Variants in SLC25A16 observed in about 807,000 individuals in gnomAD.
SLC25A16 encodes solute carrier family 25 member 16.
SLC25A16 carries 39 observed loss-of-function variants against 41.5 expected under a neutral mutation model. The observed-to-expected ratio is 0.94, with a 90% CI of 0.73 to 1.23. SLC25A16 has a LOEUF of 1.23. SLC25A16 is among the 50% of genes most tolerant of loss of function. The probability of loss-of-function intolerance (pLI) is 0.00; values close to 1 mark genes in which losing one functional copy is unlikely to be tolerated. For synonymous variants in SLC25A16, 146 were observed against 147.8 expected, an observed-to-expected ratio of 0.99 and a Z score of 0.09; for missense variants, 421 against 426.9, an observed-to-expected ratio of 0.99 and a Z score of 0.12.
chr10:68,498,034 T>G (rs117597063), intron 4 of SLC25A16, among the ~76,000 whole-genome samples: 3 of 152,134 alleles, frequency 2.0e-5, no homozygotes, highest in African/African-American at 4.8e-5. Flanking sequence ...GTATATGCCT[T>G]TTGTGCAGGA....
At chr10:68,486,452 G>A (rs2052565063) in intron 8 of SLC25A16, among the ~76,000 whole-genome samples, 1 of 151,206 alleles carries the variant, frequency 6.6e-6, no homozygotes, top group Non-Finnish European at 1.5e-5. Context: ...TATTGAGATG[G>A]AGTCTCACTC....
At chr10:68,496,752 T>C (rs2052755430) in intron 4 of SLC25A16, 3 of 855,382 alleles carry the variant, frequency 3.5e-6, no homozygotes, top group Non-Finnish European at 4.2e-6. Flanking sequence ...GAAATCATAT[T>C]TAGAAAGTAT....
At chr10:68,484,744 C>A (rs1445875688) in intron 8 of SLC25A16, among the ~76,000 whole-genome samples, 1 of 152,166 alleles carries the variant, frequency 6.6e-6, no homozygotes, top group Non-Finnish European at 1.5e-5. Flanking sequence ...GGGTAATGCT[C>A]CCAGCCCAAA....
chr10:68,492,142 A>C (rs746642450), intron 6 of SLC25A16, among the ~76,000 whole-genome samples: 4 of 152,138 alleles, frequency 2.6e-5, no homozygotes, highest in Non-Finnish European at 4.4e-5. Context: ...ATACTTACAC[A>C]AAAAAGGTAG....
chr10:68,506,627 G>A lies in SLC25A16; in HGVS notation c.315C>T (p.Pro105=), dbSNP rs2052959764. The A allele has an allele frequency of 1.9e-6, 3 of 1,605,296 alleles. No individual in the cohort carries two copies. The highest frequency in any genetic ancestry group is 2.6e-6 in the Non-Finnish European group (3 of 1,176,180). ...ATGCCATAAACTGGATTGCACCATA[G>A]GGAAAGATTCGAATCATCATTGCAC... ...GNGAMMIRIF[P]YGAIQFMAFE... is the part of the protein sequence containing the mutation. The change falls in exon 3 of 9, where the codon CCC becomes CCT. Residue 105 remains proline (P), a synonymous_variant. Transcript: ENST00000609923.
chr10:68,524,134 C>A (rs2053293726), intron 1 of SLC25A16, among the ~76,000 whole-genome samples: 2 of 151,686 alleles, frequency 1.3e-5, no homozygotes, highest in South Asian at 4.2e-4. Context: ...TATGGTGAAA[C>A]CCCGTCTCTA....
intron 1 of SLC25A16, among the ~76,000 whole-genome samples, chr10:68,525,643 G>T (rs1165968670): frequency 1.3e-5 from 2 of 152,048 alleles, no homozygotes; most frequent in Non-Finnish European, 2.9e-5. Flanking sequence ...TTAAATTTTT[G>T]AATCTTAAAT....
At chr10:68,484,131 G>A (rs1417007521) in intron 8 of SLC25A16, among the ~76,000 whole-genome samples, 4 of 152,114 alleles carry the variant, frequency 2.6e-5, no homozygotes, top group Non-Finnish European at 5.9e-5. Context: ...TATTTTGTTT[G>A]TACTATGTCT....
rs562597607 is a variant in SLC25A16 at position 68,487,200 on chromosome 10, A to G, written c.786T>C (p.Asp262=). 6.2e-7 allele frequency: 1 copy of G among 1,613,594 alleles called. No individual in the cohort carries two copies. The highest frequency in any genetic ancestry group is 1.3e-5 in the African/African-American group (1 of 75,036). The change falls in exon 8 of 9, where the codon GAT becomes GAC. Residue 262 remains aspartate (D), a synonymous_variant. Coordinates refer to ENST00000609923, the MANE Select transcript of SLC25A16 (RefSeq NM_152707.4). ...AIAQTISYPF[D]VTRRRMQLGT... ...CTAATTGCATTCGCCGACGAGTCAC[A>G]TCAAATGGGTAGCTAAAAGAAGAAA...
intron 2 of SLC25A16, among the ~76,000 whole-genome samples, chr10:68,514,897 C>G (rs2053133930): frequency 6.6e-6 from 1 of 151,812 alleles, no homozygotes; most frequent in Admixed American, 6.6e-5. Context: ...GCCACCACGC[C>G]CAGCTAATTT....
intron 4 of SLC25A16, among the ~76,000 whole-genome samples, chr10:68,499,027 A>C (rs2052796487): frequency 6.6e-6 from 1 of 152,184 alleles, no homozygotes; most frequent in Non-Finnish European, 1.5e-5. Flanking sequence ...TTCATGGAGG[A>C]CTTCAGATCT....
rs764528250 is a variant in SLC25A16 at position 68,516,764 on chromosome 10, A to G, written c.210T>C (p.His70=). ...CTATTAACTCACCTAAATGCTTGTA[A>G]TGGTGATTGTGAGCTTGTAATAAAA... ...VKVLLQAHNH[H]YKHLGVFSAL... Residue 70 remains histidine, a synonymous_variant, in exon 2 of 9, where the codon CAT becomes CAC. Transcript: ENST00000609923. The G allele has an allele frequency of 6.2e-7, 1 of 1,604,922 alleles. No homozygotes were observed. Among genetic ancestry groups the G allele is most frequent in the Non-Finnish European group, 8.5e-7 (1 of 1,172,598 alleles).
chr10:68,511,999 G>A (rs2053071787), intron 2 of SLC25A16, among the ~76,000 whole-genome samples: 2 of 152,098 alleles, frequency 1.3e-5, no homozygotes, highest in South Asian at 4.1e-4. Context: ...TGGGATTACA[G>A]GTGTGCGCCA....
intron 3 of SLC25A16, 138 bp from the exon 4 acceptor site, chr10:68,503,833 C>A (rs997597742): frequency 1.6e-6 from 1 of 644,462 alleles, no homozygotes; most frequent in Non-Finnish European, 2.8e-6. Flanking sequence ...GAAATGAGCA[C>A]AATTAAATAC....
intron 4 of SLC25A16, among the ~76,000 whole-genome samples, chr10:68,500,182 C>G (rs1340297879): frequency 2.6e-5 from 4 of 151,978 alleles, no homozygotes; most frequent in Non-Finnish European, 5.9e-5. Context: ...TTTACTTTGG[C>G]AAATATAAAA....
chr10:68,483,483 T>C lies in SLC25A16; in HGVS notation c.948A>G (p.Ala316=), dbSNP rs759569034. ...TAAGTTCGTATGTTGTAAAAGCCAC[T>C]GCTTGAGAGGGAATACAGCGAATGT... The part of the protein sequence containing the change: ...LNYIRCIPSQ[A]VAFTTYELMK... The change falls in exon 9 of 9, where the codon GCA becomes GCG. Residue 316 remains alanine (A), a synonymous_variant. Transcript: ENST00000609923. 7.5e-5 allele frequency: 121 copies of C among 1,610,846 alleles called. No homozygotes were observed. The highest frequency in any genetic ancestry group is 9.8e-5 in the Non-Finnish European group (116 of 1,179,058).
chr10:68,503,627 C>T lies in SLC25A16; in HGVS notation c.421+5G>A, dbSNP rs1301231338. ...CAGAAATAAAATATACCTAACTCCT[C>T]TTACCTGCCATGGATCCAGCCATTA... On this transcript the variant is annotated splice_donor_5th_base_variant and intron_variant, in intron 4 of 8. Transcript: ENST00000609923. The T allele has an allele frequency of 1.3e-6, 2 of 1,571,254 alleles. No individual in the cohort carries two copies. Among genetic ancestry groups the T allele is most frequent in the Non-Finnish European group, 1.7e-6 (2 of 1,147,320 alleles).
chr10:68,512,494 C>T lies in SLC25A16; in HGVS notation c.223+4257G>A, dbSNP rs988300388. ...CTACTAAAAAAATACAAAAAATTAG[C>T]CGGGCGTAGTGGCGGGCGCCTGTAG... On this transcript the variant is annotated intron_variant, in intron 2 of 8. Coordinates refer to ENST00000609923, the MANE Select transcript of SLC25A16 (RefSeq NM_152707.4). Among the ~76,000 whole-genome samples, 8 of 129,488 alleles carry T rather than the reference C, an allele frequency of 6.2e-5. 1 individual carries two copies. The highest frequency in any genetic ancestry group is 4.9e-4 in the Admixed American group (6 of 12,180). 84.9% of individuals were successfully genotyped at this position (129,488 alleles called of 152,430 possible).
rs3200066 is a variant in SLC25A16 at position 68,482,960 on chromosome 10, A to G, written c.*472T>C. ...GTGGAGCATAATTGTGAGAAGAGAGATAACAAAAATAAAATGTCAATGCTG... is the reference window on the plus strand; with the variant it reads ...GTGGAGCATAATTGTGAGAAGAGAGGTAACAAAAATAAAATGTCAATGCTG... On this transcript the variant is annotated 3_prime_UTR_variant, in exon 9 of 9. Coordinates refer to ENST00000609923, the MANE Select transcript of SLC25A16 (RefSeq NM_152707.4). The G allele has an allele frequency of 0.077, 11,761 of 152,274 alleles. 733 individuals carry two copies. Among genetic ancestry groups the G allele is most frequent in the African/African-American group, 0.17 (7,058 of 41,516 alleles). 9.4% of individuals were successfully genotyped at this position (152,274 alleles called of 1,614,324 possible). A position where few individuals can be genotyped will look rare whatever the true frequency, so the allele number is the denominator to read the frequency against.
Sources: gnomAD v4.1 joint callset for allele counts (sites outside exome capture counted in the v4.1 genomes callset) on GRCh38, gnomAD v4.1.1 for gene constraint, MANE v1.5 for transcripts, NCBI Gene and HGNC (gene_info 2026-07-23, HGNC 2026-07-21) for gene names.